The following CNTNAP5 variants were observed in gnomAD, a reference collection of about 807,000 sequenced individuals.
CNTNAP5 encodes contactin-associated protein-like 5.
Under a neutral mutation model 150.2 loss-of-function variants are expected in CNTNAP5, and 72 were observed. The observed-to-expected ratio is 0.48, with a 90% CI of 0.40 to 0.58. The LOEUF (loss-of-function observed/expected upper bound fraction) is 0.58. CNTNAP5 is among the 20% of genes least tolerant of loss of function. The pLI, the probability that CNTNAP5 is intolerant of heterozygous loss-of-function variation, is 0.00. For synonymous variants in CNTNAP5, 672 were observed against 619.8 expected (o/e 1.08, Z -1.25); for missense variants, 1,636 against 1,626.2 (o/e 1.01, Z -0.10).
intron 3 of CNTNAP5, among the ~76,000 whole-genome samples, chr2:124,400,681 T>G (rs202135441): frequency 3.0e-5 from 3 of 99,580 alleles, no homozygotes; most frequent in Admixed American, 1.2e-4. Context: ...TTTTTTTTTT[T>G]TTTTTTTGTT....
At chr2:124,596,817 G>A (rs1238341782) in intron 11 of CNTNAP5, among the ~76,000 whole-genome samples, 1 of 44,804 alleles carries the variant, frequency 2.2e-5, no homozygotes, top group South Asian at 1.3e-3. Flanking sequence ...ATGAATCTGG[G>A]TGCTCCTGTA....
rs764460083 is a variant in CNTNAP5, at chr2:124,221,828, A to G, written c.187+19A>G. ...AGAGTTGGTAAGTAGGCTGACTGAAATCCTAATGCCAAGCACTAAATAATT... is the reference window on the plus strand; with the variant it reads ...AGAGTTGGTAAGTAGGCTGACTGAAGTCCTAATGCCAAGCACTAAATAATT... On this transcript the variant is annotated intron_variant, in intron 2 of 23. Coordinates refer to ENST00000682447, the MANE Select transcript of CNTNAP5 (RefSeq NM_001367498.1). The G allele has an allele frequency of 6.7e-7, 1 of 1,492,252 alleles. No homozygotes were observed. Among genetic ancestry groups the G allele is most frequent in the Admixed American group, 1.8e-5 (1 of 56,522 alleles). 92.4% of individuals were successfully genotyped at this position (1,492,252 alleles called of 1,614,324 possible). A position where few individuals can be genotyped will look rare whatever the true frequency, so the allele number is the denominator to read the frequency against.
At chr2:124,706,345 T>G in intron 13 of CNTNAP5, among the ~76,000 whole-genome samples, 1 of 152,228 alleles carries the variant, frequency 6.6e-6, no homozygotes, top group East Asian at 1.9e-4. Flanking sequence ...AGGGAAATTT[T>G]ATTTTGGAAA....
intron 12 of CNTNAP5, among the ~76,000 whole-genome samples, chr2:124,618,170 G>A (rs531916852): frequency 6.6e-4 from 100 of 152,172 alleles, no homozygotes; most frequent in Middle Eastern, 3.4e-3. Flanking sequence ...ACAAACATCT[G>A]CTGTCTCAGA....
At chr2:124,533,247 C>T (rs1301735040) in intron 10 of CNTNAP5, among the ~76,000 whole-genome samples, 1 of 152,086 alleles carries the variant, frequency 6.6e-6, no homozygotes, top group Non-Finnish European at 1.5e-5. Context: ...TAGGGCCATG[C>T]ATGCATGGAG....
At chr2:124,571,520 C>CTTTTTTCTT (rs1696152758) in intron 11 of CNTNAP5, among the ~76,000 whole-genome samples, 1 of 53,524 alleles carries the variant, frequency 1.9e-5, no homozygotes, top group Non-Finnish European at 3.8e-5. Context: ...ACTTTTTTTT[C>CTTTTTTCTT]TTTTTTCTTT....
chr2:124,156,818 A>T (rs570750324), intron 1 of CNTNAP5, among the ~76,000 whole-genome samples: 142 of 152,290 alleles, frequency 9.3e-4, no homozygotes, highest in African/African-American at 3.2e-3. Context: ...GAGTTCACAG[A>T]GCTGGTAGTT....
chr2:124,082,919 T>C (rs1682592450), intron 1 of CNTNAP5, among the ~76,000 whole-genome samples: 1 of 152,260 alleles, frequency 6.6e-6, no homozygotes, highest in African/African-American at 2.4e-5. Flanking sequence ...TTAATGTGTT[T>C]ATTTGCCATC....
In CNTNAP5 at chr2:124,797,677, A is replaced by G. The variant is rs1226602325; in HGVS notation, c.2993-419A>G. ...GAGATACCAGAGAAGAACACAAACT[A>G]GAACTGTCAGGTTCTCAGTTTTGGG... On this transcript the variant is annotated intron_variant, in intron 18 of 23. Coordinates refer to ENST00000682447, the MANE Select transcript of CNTNAP5 (RefSeq NM_001367498.1). 3.9e-5 allele frequency among the ~76,000 whole-genome samples: 6 copies of G among 152,352 alleles called. 1 individual carries two copies. The East Asian group carries it at 9.6e-4, about 25-fold the overall frequency.
chr2:124,779,257 C>A (rs181884090), intron 17 of CNTNAP5, among the ~76,000 whole-genome samples: 1 of 152,194 alleles, frequency 6.6e-6, no homozygotes, highest in East Asian at 1.9e-4. Context: ...AACTGTTGGG[C>A]CCAAGAAGGA....
At chr2:124,856,147 G>A (rs1411187890) in intron 19 of CNTNAP5, among the ~76,000 whole-genome samples, 2 of 151,798 alleles carry the variant, frequency 1.3e-5, no homozygotes, top group Non-Finnish European at 2.9e-5. Context: ...GTGGGGGTGT[G>A]TGTATATATA....
At chr2:124,342,087 G>T (rs1296109765) in intron 3 of CNTNAP5, among the ~76,000 whole-genome samples, 1 of 152,068 alleles carries the variant, frequency 6.6e-6, no homozygotes. Flanking sequence ...CGAAAAATGG[G>T]TATATTATAG....
At chr2:124,106,683 A>T (rs1437920384) in intron 1 of CNTNAP5, among the ~76,000 whole-genome samples, 1 of 152,146 alleles carries the variant, frequency 6.6e-6, no homozygotes, top group Non-Finnish European at 1.5e-5. Flanking sequence ...ACATTAAGTA[A>T]AGTGCTTACT....
At chr2:124,633,927 C>T (rs992741217) in intron 12 of CNTNAP5, among the ~76,000 whole-genome samples, 2 of 152,114 alleles carry the variant, frequency 1.3e-5, no homozygotes, top group Admixed American at 6.6e-5. Flanking sequence ...GCTGAATAGG[C>T]TAAGATGCAG....
At chr2:124,695,628 A>G (rs986738421) in intron 13 of CNTNAP5, among the ~76,000 whole-genome samples, 5 of 152,186 alleles carry the variant, frequency 3.3e-5, no homozygotes, top group Admixed American at 2.0e-4. Flanking sequence ...CTTAAGTGGG[A>G]TGCAAAGGGT....
chr2:124,906,522 G>A (rs1678541340), intron 22 of CNTNAP5, among the ~76,000 whole-genome samples: 1 of 152,052 alleles, frequency 6.6e-6, no homozygotes, highest in Non-Finnish European at 1.5e-5. Flanking sequence ...TCTACGATAG[G>A]TCATGATGTG....
intron 13 of CNTNAP5, among the ~76,000 whole-genome samples, chr2:124,662,419 G>A (rs915287735): frequency 4.6e-5 from 7 of 152,110 alleles, no homozygotes; most frequent in African/African-American, 1.7e-4. Flanking sequence ...TAATCTTATG[G>A]GGCCACCCTT....
chr2:124,756,784 G>A (rs993178370), intron 14 of CNTNAP5, among the ~76,000 whole-genome samples: 8 of 152,128 alleles, frequency 5.3e-5, no homozygotes, highest in African/African-American at 1.9e-4. Flanking sequence ...GGAGTGGGAG[G>A]AGGGAGAGCA....
chr2:124,470,898 G>A (rs1693497216), intron 6 of CNTNAP5, among the ~76,000 whole-genome samples: 1 of 151,900 alleles, frequency 6.6e-6, no homozygotes. Flanking sequence ...TCTTACTTCT[G>A]GACTCTCTAT....
Sources: allele counts gnomAD v4.1 joint callset (sites outside exome capture counted in the v4.1 genomes callset), GRCh38; gene constraint gnomAD v4.1.1; transcripts MANE v1.5; gene names NCBI Gene and HGNC (gene_info 2026-07-23, HGNC 2026-07-21).